The following CNTNAP5 variants were observed in gnomAD, a reference collection of about 807,000 sequenced individuals.
CNTNAP5 encodes contactin associated protein family member 5, also known as contactin-associated protein-like 5.
A neutral mutation model predicts 150.2 loss-of-function variants in CNTNAP5; 72 were observed. That is an observed-to-expected ratio of 0.48 (90% CI 0.40 to 0.58). CNTNAP5 has a LOEUF of 0.58. CNTNAP5 is among the 20% of genes least tolerant of loss of function. The probability of loss-of-function intolerance (pLI) is 0.00; values close to 1 mark genes in which losing one functional copy is unlikely to be tolerated. For synonymous variants in CNTNAP5, 672 were observed against 619.8 expected, an observed-to-expected ratio of 1.08 and a Z score of -1.25; for missense variants, 1,636 against 1,626.2, an observed-to-expected ratio of 1.01 and a Z score of -0.10.
intron 17 of CNTNAP5, among the ~76,000 whole-genome samples, chr2:124,776,007 T>G (rs1443469779): frequency 6.6e-6 from 1 of 152,158 alleles, no homozygotes; most frequent in African/African-American, 2.4e-5. Context: ...GAGTGTACTA[T>G]TGTCTTTATC....
rs576578745 is a variant in CNTNAP5, at chr2:124,386,459, T to C, written c.382-30984T>C. Among the ~76,000 whole-genome samples, 25 of 152,358 alleles carry C rather than the reference T, an allele frequency of 1.6e-4. No individual in the cohort carries two copies. The South Asian group carries it at 5.0e-3, about 30-fold the overall frequency. ...TTGAAAATATGCAGGGATAGTGATG[T>C]TGCTACCTCATCAAGCAGTCTCTTC... is the stretch of plus-strand genomic sequence containing the variant. On this transcript the variant is annotated intron_variant, in intron 3 of 23. Transcript: ENST00000682447.
At chr2:124,529,650 C>T (rs972451494) in intron 10 of CNTNAP5, among the ~76,000 whole-genome samples, 7 of 152,090 alleles carry the variant, frequency 4.6e-5, no homozygotes, top group South Asian at 2.1e-4. Context: ...TGTTAATCAA[C>T]GTGAGCTGGA....
intron 19 of CNTNAP5, among the ~76,000 whole-genome samples, chr2:124,802,812 G>A (rs1681997656): frequency 6.6e-6 from 1 of 152,152 alleles, no homozygotes; most frequent in Non-Finnish European, 1.5e-5. Flanking sequence ...CAGATAGAAA[G>A]GATCCTTCCC....
intron 1 of CNTNAP5, among the ~76,000 whole-genome samples, chr2:124,179,203 C>G (rs574866744): frequency 6.6e-6 from 1 of 152,136 alleles, no homozygotes; most frequent in Admixed American, 6.5e-5. Context: ...GTGGCCCAGG[C>G]TGGAGTACAG....
At chr2:124,601,893 A>C (rs1325216709) in intron 11 of CNTNAP5, among the ~76,000 whole-genome samples, 1 of 152,178 alleles carries the variant, frequency 6.6e-6, no homozygotes, top group African/African-American at 2.4e-5. Context: ...TTTTTAGTGA[A>C]AAAGGCCAGT....
intron 3 of CNTNAP5, among the ~76,000 whole-genome samples, chr2:124,353,026 A>G (rs1573935122): frequency 6.6e-6 from 1 of 152,226 alleles, no homozygotes; most frequent in South Asian, 2.1e-4. Flanking sequence ...TTAGTTCTGG[A>G]CCCTTGACAG....
chr2:124,648,096 GGGTCT>G, intron 13 of CNTNAP5, 138 bp downstream of exon 13: 1 of 722,668 alleles, frequency 1.4e-6, no homozygotes, highest in South Asian at 2.0e-5. Flanking sequence ...ACAACAAGAG[GGGTCT>G]GGTTATGTAG....
intron 3 of CNTNAP5, among the ~76,000 whole-genome samples, chr2:124,316,887 T>G (rs1262726883): frequency 3.3e-5 from 5 of 149,622 alleles, no homozygotes; most frequent in African/African-American, 1.2e-4. Flanking sequence ...CCTTCCTGTA[T>G]GCCAAGGTCT....
chr2:124,777,709 G>GGGTTAA lies in CNTNAP5; in HGVS notation c.2752+4692_2752+4693insGGTTAA, dbSNP rs1383489685. 2.0e-5 allele frequency among the ~76,000 whole-genome samples: 3 copies of GGGTTAA among 151,340 alleles called. No individual in the cohort carries two copies. The East Asian group carries it at 5.8e-4, about 29-fold the overall frequency. On this transcript the variant is annotated intron_variant, in intron 17 of 23. Coordinates refer to ENST00000682447, the MANE Select transcript of CNTNAP5 (RefSeq NM_001367498.1). ...GTCTACAACTTCTTCTGCTTTAATTGAGCTCATATTGTGATCTTTTGGTCT... is the reference window on the plus strand; with the variant it reads ...GTCTACAACTTCTTCTGCTTTAATTGGGTTAAAGCTCATATTGTGATCTTTTGGTCT...
chr2:124,070,676 C>T (rs961114750), intron 1 of CNTNAP5, among the ~76,000 whole-genome samples: 1 of 151,842 alleles, frequency 6.6e-6, no homozygotes, highest in Admixed American at 6.6e-5. Flanking sequence ...ACCCACCCAA[C>T]ACTAGAGCAT....
At chr2:124,761,088 G>A (rs1680946568) in intron 14 of CNTNAP5, among the ~76,000 whole-genome samples, 1 of 152,076 alleles carries the variant, frequency 6.6e-6, no homozygotes, top group Admixed American at 6.6e-5. Context: ...GGAAGTGAAA[G>A]TTTGCAGAAT....
At chr2:124,083,760 C>G (rs75318599) in intron 1 of CNTNAP5, among the ~76,000 whole-genome samples, 7,119 of 151,762 alleles carry the variant, frequency 0.047, 231 homozygotes, top group South Asian at 0.11. Context: ...TTTCTTCCTT[C>G]TTTGTTGTTT....
At chr2:124,845,135 A>G (rs991107129) in intron 19 of CNTNAP5, among the ~76,000 whole-genome samples, 1 of 152,170 alleles carries the variant, frequency 6.6e-6, no homozygotes, top group African/African-American at 2.4e-5. Context: ...GGCTTTTATT[A>G]TGTAAAGGTA....
chr2:124,545,364 C>G (rs982128426), intron 10 of CNTNAP5, among the ~76,000 whole-genome samples: 1 of 151,980 alleles, frequency 6.6e-6, no homozygotes, highest in Non-Finnish European at 1.5e-5. Context: ...TAATGCCTAT[C>G]GCAAAGTAGA....
chr2:124,302,241 A>G (rs546447109), intron 3 of CNTNAP5, among the ~76,000 whole-genome samples: 73 of 152,378 alleles, frequency 4.8e-4, no homozygotes, highest in African/African-American at 1.6e-3. Flanking sequence ...TACACAGACT[A>G]TATACTGTTA....
intron 11 of CNTNAP5, among the ~76,000 whole-genome samples, chr2:124,578,235 C>A: frequency 6.9e-6 from 1 of 145,448 alleles, no homozygotes; most frequent in South Asian, 2.2e-4. Flanking sequence ...GAGGCTGAGA[C>A]AGGAGAATGG....
intron 13 of CNTNAP5, among the ~76,000 whole-genome samples, chr2:124,742,501 A>G (rs1416594389): frequency 6.6e-6 from 1 of 152,064 alleles, no homozygotes; most frequent in African/African-American, 2.4e-5. Flanking sequence ...GTGCTATAGT[A>G]TTATTATTGT....
chr2:124,512,507 C>A (rs955992156), intron 8 of CNTNAP5, among the ~76,000 whole-genome samples: 2 of 151,984 alleles, frequency 1.3e-5, no homozygotes. Flanking sequence ...CAAAAGGTGA[C>A]ATGGACAGCA....
chr2:124,172,495 C>T (rs1210295499), intron 1 of CNTNAP5, among the ~76,000 whole-genome samples: 1 of 152,194 alleles, frequency 6.6e-6, no homozygotes, highest in African/African-American at 2.4e-5. Context: ...TCACTGCCAC[C>T]TCTGACCCCG....
Sources: allele counts gnomAD v4.1 joint callset (sites outside exome capture counted in the v4.1 genomes callset), GRCh38; gene constraint gnomAD v4.1.1; transcripts MANE v1.5; gene names NCBI Gene and HGNC (gene_info 2026-07-23, HGNC 2026-07-21).